MYOCD: variants seen among roughly 807,000 people sequenced by gnomAD.
MYOCD encodes myocardin.
MYOCD carries 32 observed loss-of-function variants against 96.1 expected under a neutral mutation model. The ratio of observed to expected loss-of-function variants is 0.33; its 90% CI spans 0.25 to 0.45. The LOEUF (loss-of-function observed/expected upper bound fraction) is 0.45. Among genes scored for constraint, MYOCD ranks in the 20% least tolerant of loss-of-function variants. The probability of loss-of-function intolerance (pLI) is 1.00; values close to 1 mark genes in which losing one functional copy is unlikely to be tolerated. For missense variants in MYOCD, 1,133 were observed against 1,200.6 expected, an observed-to-expected ratio of 0.94 and a Z score of 0.83; for synonymous variants, 469 against 469.0, an observed-to-expected ratio of 1.00 and a Z score of 0.00.
At chr17:12,696,166 G>A (rs2030739958) in intron 1 of MYOCD, among the ~76,000 whole-genome samples, 1 of 151,768 alleles carries the variant, frequency 6.6e-6, no homozygotes, top group Non-Finnish European at 1.5e-5. Context: ...TTTTAGTAGA[G>A]ACGGGGTTTC....
At position 12,723,003 on chromosome 17, in the gene MYOCD, T is replaced by C. The variant is rs1174759759; in HGVS notation, c.410T>C (p.Ile137Thr). 1.9e-6 allele frequency: 3 copies of C among 1,613,048 alleles called. No homozygotes were observed. The African/African-American group carries it at 4.0e-5, about 22-fold the overall frequency. Residue 137 changes from isoleucine to threonine, a missense_variant, in exon 5 of 14, where the codon ATA becomes ACA. Transcript: ENST00000425538. ...LPVDSAVKEA[I>T]KGNQVSFSKS... ...GTGGATTCTGCTGTGAAAGAGGCCA[T>C]AAAAGGTAGTTAGAACAAATGGCAT...
chr17:12,745,463 C>T (rs775559212), intron 8 of MYOCD, among the ~76,000 whole-genome samples: 1 of 152,160 alleles, frequency 6.6e-6, no homozygotes, highest in Non-Finnish European at 1.5e-5. Context: ...CCCGCCTCGG[C>T]CTCCCAAAGT....
intron 2 of MYOCD, among the ~76,000 whole-genome samples, chr17:12,711,545 T>C (rs1387931748): frequency 1.3e-5 from 2 of 152,230 alleles, no homozygotes; most frequent in African/African-American, 4.8e-5. Flanking sequence ...ATTAATGGTA[T>C]ATAAATTTAC....
At chr17:12,682,647 G>A (rs1910545656) in intron 1 of MYOCD, among the ~76,000 whole-genome samples, 1 of 152,182 alleles carries the variant, frequency 6.6e-6, no homozygotes. Context: ...ACCATATGGA[G>A]AGGATGCATC....
At position 12,763,591 on chromosome 17, in the gene MYOCD, G is replaced by A; in HGVS notation, c.2908G>A (p.Val970Ile). Residue 970 changes from valine (V) to isoleucine (I), a missense_variant, in exon 14 of 14, where the codon GTC (valine) becomes ATC (isoleucine). Transcript: ENST00000425538. ...CATCTTCAACATCGATTTCCTGGAT[G>A]TCACTGATCTCAATTTGAATTCTTC... ...PSIFNIDFLD[V>I]TDLNLNSSMD... 3 of 1,614,090 alleles carry A rather than the reference G, an allele frequency of 1.9e-6. No homozygotes were observed. The highest frequency in any genetic ancestry group is 2.5e-6 in the Non-Finnish European group (3 of 1,180,000).
At chr17:12,741,718 A>T (rs112875318) in intron 7 of MYOCD, among the ~76,000 whole-genome samples, 4,390 of 136,344 alleles carry the variant, frequency 0.032, 77 homozygotes, top group South Asian at 0.052. Flanking sequence ...TATATATATA[A>T]AAAAAAAAAA....
At position 12,763,615 on chromosome 17, in the gene MYOCD, T is replaced by C. The variant is rs1432628330; in HGVS notation, c.2932T>C (p.Ser978Pro). Residue 978 changes from serine to proline, a missense_variant, in exon 14 of 14, where the codon TCC becomes CCC. Physicochemically the swap from Ser to Pro is moderately conservative, Grantham distance 74. Transcript: ENST00000425538. Reference sequence around the variant, plus strand: ...TGTCACTGATCTCAATTTGAATTCTTCCATGGACCTTCACTTGCAGCAGTG... The same window carrying C: ...TGTCACTGATCTCAATTTGAATTCTCCCATGGACCTTCACTTGCAGCAGTG... ...LDVTDLNLNS[S>P]MDLHLQQW 1 of 1,613,264 alleles carries C rather than the reference T, an allele frequency of 6.2e-7. No homozygotes were observed. The highest frequency in any genetic ancestry group is 1.1e-5 in the South Asian group (1 of 90,904).
intron 1 of MYOCD, among the ~76,000 whole-genome samples, chr17:12,694,302 CCAGAGAGCAAG>C (rs1384567554): frequency 2.0e-5 from 3 of 152,074 alleles, no homozygotes; most frequent in African/African-American, 7.2e-5. Flanking sequence ...GTGGCTGTGC[CCAGAGAGCAAG>C]GTAGCTTCAC....
chr17:12,700,398 A>ATTT (rs1567577876), intron 1 of MYOCD, among the ~76,000 whole-genome samples: 10 of 83,482 alleles, frequency 1.2e-4, no homozygotes, highest in Non-Finnish European at 4.4e-5. Flanking sequence ...GCAATGGGAG[A>ATTT]ATTTTTTTTT....
rs36211306 is a variant in MYOCD, at chr17:12,676,245, GCACACACACACA to G, written c.55+10039_55+10050del. Among the ~76,000 whole-genome samples, 1,151 of 145,662 alleles carry G rather than the reference GCACACACACACA, an allele frequency of 7.9e-3. 10 individuals carry two copies. The highest frequency in any genetic ancestry group is 0.021 in the African/African-American group (852 of 39,906). On this transcript the variant is annotated intron_variant, in intron 1 of 13. Transcript: ENST00000425538. ...TAGCACCCTCCCCCTGCGCGCGCAC[GCACACACACACA>G]CACACACACACACACACACACACAC...
intron 4 of MYOCD, among the ~76,000 whole-genome samples, chr17:12,719,918 T>C (rs2031780471): frequency 6.6e-6 from 1 of 151,208 alleles, no homozygotes; most frequent in Non-Finnish European, 1.5e-5. Context: ...GTAAAAGAAT[T>C]CTCGGTGGAA....
chr17:12,719,591 G>A (rs1384854328), intron 4 of MYOCD, among the ~76,000 whole-genome samples: 1 of 151,216 alleles, frequency 6.6e-6, no homozygotes, highest in Non-Finnish European at 1.5e-5. Context: ...AGTGGCTCAC[G>A]CCTGTAATCC....
intron 4 of MYOCD, 104 bp from the exon 5 acceptor site, chr17:12,722,743 G>A (rs939390827): frequency 1.1e-6 from 1 of 913,896 alleles, no homozygotes; most frequent in Non-Finnish European, 1.7e-6. Flanking sequence ...GGATGGTAGA[G>A]CACAATGTGA....
At chr17:12,731,856 G>A (rs955166056) in intron 5 of MYOCD, among the ~76,000 whole-genome samples, 5 of 152,210 alleles carry the variant, frequency 3.3e-5, no homozygotes, top group African/African-American at 1.2e-4. Context: ...CACTGTTAAG[G>A]TTTTTCCCAT....
chr17:12,701,211 A>G (rs1371131870), intron 1 of MYOCD, among the ~76,000 whole-genome samples: 4 of 152,156 alleles, frequency 2.6e-5, no homozygotes, highest in Non-Finnish European at 5.9e-5. Flanking sequence ...TAGGAGTTCT[A>G]GACCAACCTC....
chr17:12,697,351 ATATATATATTTT>A (rs1211141222), intron 1 of MYOCD, among the ~76,000 whole-genome samples: 11 of 84,564 alleles, frequency 1.3e-4, no homozygotes, highest in African/African-American at 5.6e-4. Context: ...ATATATATAT[ATATATATATTTT>A]TTTTTTTTTT....
chr17:12,681,470 G>A (rs770357667), intron 1 of MYOCD, among the ~76,000 whole-genome samples: 7 of 152,188 alleles, frequency 4.6e-5, no homozygotes, highest in South Asian at 2.1e-4. Flanking sequence ...CGCAGTGTTC[G>A]TGTGAACAGA....
At chr17:12,736,136 A>G (rs371392873) in intron 5 of MYOCD, 25 bp from the exon 6 acceptor site, 24 of 1,611,690 alleles carry the variant, frequency 1.5e-5, no homozygotes, top group Non-Finnish European at 2.0e-5. Flanking sequence ...GCCACTGACC[A>G]AGTTCCTGGA....
At chr17:12,723,642 T>C (rs530064416) in intron 5 of MYOCD, among the ~76,000 whole-genome samples, 2 of 152,158 alleles carry the variant, frequency 1.3e-5, no homozygotes, top group Non-Finnish European at 2.9e-5. Flanking sequence ...TGATACTAGG[T>C]GGACCCAAAC....
Sources: allele counts gnomAD v4.1 joint callset (sites outside exome capture counted in the v4.1 genomes callset), GRCh38; gene constraint gnomAD v4.1.1; transcripts MANE v1.5; gene names NCBI Gene and HGNC (gene_info 2026-07-23, HGNC 2026-07-21).